The following SNX29 variants were observed in gnomAD, a reference collection of about 807,000 sequenced individuals.
SNX29 encodes the protein sorting nexin-29.
SNX29 carries 78 observed loss-of-function variants against 102.1 expected under a neutral mutation model. The observed-to-expected ratio is 0.76, with a 90% CI of 0.64 to 0.92. The LOEUF (loss-of-function observed/expected upper bound fraction) is 0.92. Ranked by LOEUF, SNX29 falls within the 40% of genes least tolerant of loss-of-function variation. The pLI is 0.00. For missense variants in SNX29, 1,280 were observed against 1,061.7 expected (o/e 1.21, Z -2.86); for synonymous variants, 580 against 414.5 (o/e 1.40, Z -4.85).
In SNX29 at chr16:11,999,427, C is replaced by T. The variant is rs538512411; in HGVS notation, c.69+69C>T. The T allele has an allele frequency of 4.1e-4, 610 of 1,496,700 alleles. 1 individual carries two copies. Among genetic ancestry groups the T allele is most frequent in the Non-Finnish European group, 5.4e-4 (586 of 1,081,062 alleles). The allele number at this position is 1,496,700 out of a possible 1,614,324, so 92.7% of individuals were successfully genotyped here. ...GTCAGATAATTAATGTAGGTCATTT[C>T]TTCCCTATAACATACACAGACTAAC... On this transcript the variant is annotated intron_variant, in intron 2 of 20. Coordinates refer to ENST00000566228, the MANE Select transcript of SNX29 (RefSeq NM_032167.5).
At chr16:12,435,639 G>A (rs902284158) in intron 18 of SNX29, among the ~76,000 whole-genome samples, 1 of 152,220 alleles carries the variant, frequency 6.6e-6, no homozygotes, top group South Asian at 2.1e-4. Context: ...TTTCCTCCTT[G>A]ATGAGCATAG....
At chr16:12,561,702 C>A (rs796189768) in intron 20 of SNX29, among the ~76,000 whole-genome samples, 1 of 152,206 alleles carries the variant, frequency 6.6e-6, no homozygotes, top group Non-Finnish European at 1.5e-5. Flanking sequence ...TCCCCAACTC[C>A]CCAGTGCTGT....
At chr16:11,976,932 G>T (rs1275237126) in intron 1 of SNX29, 119 bp downstream of exon 1, 3 of 1,231,060 alleles carry the variant, frequency 2.4e-6, no homozygotes, top group Non-Finnish European at 3.1e-6. Context: ...CCTCCCAGTC[G>T]CTCCCTTTTC....
At chr16:12,502,392 C>T (rs2089168760) in intron 19 of SNX29, among the ~76,000 whole-genome samples, 1 of 152,152 alleles carries the variant, frequency 6.6e-6, no homozygotes, top group Non-Finnish European at 1.5e-5. Context: ...GGAATGGCTT[C>T]AGAATGTGGC....
chr16:12,261,825 G>C (rs1229042302), intron 14 of SNX29, among the ~76,000 whole-genome samples: 1 of 141,404 alleles, frequency 7.1e-6, no homozygotes, highest in African/African-American at 2.7e-5. Context: ...GCTGGAGTAA[G>C]TGTTTGCTCT....
chr16:12,124,079 C>T (rs891481719), intron 11 of SNX29, among the ~76,000 whole-genome samples: 12 of 152,038 alleles, frequency 7.9e-5, no homozygotes, highest in Non-Finnish European at 1.5e-4. Flanking sequence ...TGTTCAAGCC[C>T]GGGCGCGGGG....
chr16:12,265,295 T>G (rs2078893405), intron 14 of SNX29, among the ~76,000 whole-genome samples: 1 of 152,188 alleles, frequency 6.6e-6, no homozygotes, highest in South Asian at 2.1e-4. Flanking sequence ...GTCTAAAGTT[T>G]CCATCGAAGC....
intron 16 of SNX29, among the ~76,000 whole-genome samples, chr16:12,388,298 G>T (rs2083404944): frequency 6.6e-6 from 1 of 152,190 alleles, no homozygotes. Context: ...AGCCTCTGTA[G>T]AATACGGGAA....
intron 13 of SNX29, among the ~76,000 whole-genome samples, chr16:12,175,544 G>A (rs1483468438): frequency 1.3e-5 from 2 of 151,952 alleles, no homozygotes; most frequent in African/African-American, 4.8e-5. Context: ...CCAGCTACTT[G>A]AGAGGTAGAG....
chr16:12,570,885 A>AT lies in SNX29; in HGVS notation c.*2258dup, dbSNP rs2079173608. 1 of 231,136 alleles carries AT rather than the reference A, an allele frequency of 4.3e-6. No homozygotes were observed. Among genetic ancestry groups the AT allele is most frequent in the South Asian group, 1.8e-4 (1 of 5,464 alleles). The allele number at this position is 231,136 out of a possible 1,614,324, so 14.3% of individuals were successfully genotyped here. A position where few individuals can be genotyped will look rare whatever the true frequency, so the allele number is the denominator to read the frequency against. ...CTGCCTCCTACTTTTATAATACTGA[A>AT]TTATTCACAAAAAACCTGGTCTGCT... is the stretch of plus-strand genomic sequence containing the variant. On this transcript the variant is annotated 3_prime_UTR_variant, in exon 21 of 21. Coordinates refer to ENST00000566228, the MANE Select transcript of SNX29 (RefSeq NM_032167.5).
intron 11 of SNX29, among the ~76,000 whole-genome samples, chr16:12,108,226 G>A (rs2053349362): frequency 6.6e-6 from 1 of 152,226 alleles, no homozygotes; most frequent in Non-Finnish European, 1.5e-5. Context: ...TCTTTGATGA[G>A]CTATGGTAGA....
At chr16:12,057,369 G>A (rs529892853) in intron 8 of SNX29, among the ~76,000 whole-genome samples, 1 of 152,244 alleles carries the variant, frequency 6.6e-6, no homozygotes, top group South Asian at 2.1e-4. Context: ...ACATCCCATA[G>A]CATCCACTTG....
chr16:12,319,173 T>A (rs2080848584), intron 15 of SNX29, among the ~76,000 whole-genome samples: 1 of 152,172 alleles, frequency 6.6e-6, no homozygotes, highest in Non-Finnish European at 1.5e-5. Context: ...AGTAGCTCTC[T>A]CAGCTTTTAA....
At chr16:11,994,704 C>G (rs535949669) in intron 1 of SNX29, among the ~76,000 whole-genome samples, 1 of 152,324 alleles carries the variant, frequency 6.6e-6, no homozygotes, top group Non-Finnish European at 1.5e-5. Context: ...ATTGTTCCTA[C>G]TTCTCTCTGA....
intron 20 of SNX29, among the ~76,000 whole-genome samples, chr16:12,547,996 G>A (rs1206526892): frequency 6.6e-6 from 1 of 152,272 alleles, no homozygotes; most frequent in South Asian, 2.1e-4. Flanking sequence ...GGTCTCGAGT[G>A]AACGTGGCAT....
chr16:12,528,231 A>C (rs907121512), intron 20 of SNX29, among the ~76,000 whole-genome samples: 1 of 151,784 alleles, frequency 6.6e-6, no homozygotes, highest in Non-Finnish European at 1.5e-5. Context: ...ACAAGTTCTC[A>C]CTCTGTTGCA....
chr16:12,172,035 C>A (rs886309365), intron 13 of SNX29, among the ~76,000 whole-genome samples: 1 of 152,148 alleles, frequency 6.6e-6, no homozygotes, highest in Admixed American at 6.5e-5. Context: ...TTCTACGTTA[C>A]CACTTATTTT....
intron 4 of SNX29, among the ~76,000 whole-genome samples, chr16:12,042,204 C>T (rs1161370967): frequency 1.3e-5 from 2 of 151,952 alleles, no homozygotes; most frequent in East Asian, 1.9e-4. Flanking sequence ...CTAATTTTTG[C>T]ATTTTTAGTA....
intron 10 of SNX29, among the ~76,000 whole-genome samples, chr16:12,076,303 C>CTTT (rs541884560): frequency 2.9e-5 from 4 of 139,818 alleles, no homozygotes; most frequent in South Asian, 2.3e-4. Context: ...TGGCTCCTCC[C>CTTT]TTTTTTTTTT....
Sources: allele counts gnomAD v4.1 joint callset (sites outside exome capture counted in the v4.1 genomes callset), GRCh38; gene constraint gnomAD v4.1.1; transcripts MANE v1.5; gene names NCBI Gene and HGNC (gene_info 2026-07-23, HGNC 2026-07-21).